SDCCAG8: variants seen among roughly 807,000 people sequenced by gnomAD.
The protein encoded by SDCCAG8 is serologically defined colon cancer antigen 8.
In SDCCAG8, 74 loss-of-function variants were observed where a neutral mutation model predicts 101.8. The ratio of observed to expected loss-of-function variants is 0.73; its 90% CI spans 0.60 to 0.88. The LOEUF (loss-of-function observed/expected upper bound fraction) is 0.88. Among genes scored for constraint, SDCCAG8 ranks in the 40% least tolerant of loss-of-function variants. The pLI is 0.00. For synonymous variants in SDCCAG8, 281 were observed against 292.9 expected, an observed-to-expected ratio of 0.96 and a Z score of 0.41; for missense variants, 787 against 822.6, an observed-to-expected ratio of 0.96 and a Z score of 0.53.
chr1:243,484,990 G>A (rs1244872612), intron 16 of SDCCAG8, among the ~76,000 whole-genome samples: 1 of 151,384 alleles, frequency 6.6e-6, no homozygotes, highest in African/African-American at 2.4e-5. Context: ...GTTGCAGTGA[G>A]CCAAGATTAT....
At chr1:243,342,719 ATT>A (rs1453230398) in intron 11 of SDCCAG8, among the ~76,000 whole-genome samples, 2 of 152,084 alleles carry the variant, frequency 1.3e-5, no homozygotes, top group Non-Finnish European at 2.9e-5. Flanking sequence ...TGAATTTGTA[ATT>A]TTTATTTAGG....
At chr1:243,460,444 A>G (rs1354341713) in intron 16 of SDCCAG8, among the ~76,000 whole-genome samples, 3 of 152,194 alleles carry the variant, frequency 2.0e-5, no homozygotes, top group Non-Finnish European at 4.4e-5. Context: ...AGTCCACCCA[A>G]CTCACAGTGT....
rs1000876026 is a variant in SDCCAG8, at chr1:243,276,449, G to A, written c.420+1793G>A. Among the ~76,000 whole-genome samples, 5 of 152,294 alleles carry A rather than the reference G, an allele frequency of 3.3e-5. No homozygotes were observed. The South Asian group carries it at 1.0e-3, about 32-fold the overall frequency. Reference sequence around the variant, plus strand: ...ATTAAAATAATGTTTAAGTGGTTTAGAAAGATTTTGTTTATTTAGTTAATG... The same window carrying A: ...ATTAAAATAATGTTTAAGTGGTTTAAAAAGATTTTGTTTATTTAGTTAATG... On this transcript the variant is annotated intron_variant, in intron 4 of 17. Transcript: ENST00000366541.
At chr1:243,427,563 C>T (rs1573982048) in intron 16 of SDCCAG8, among the ~76,000 whole-genome samples, 1 of 152,146 alleles carries the variant, frequency 6.6e-6, no homozygotes, top group Non-Finnish European at 1.5e-5. Flanking sequence ...CATCCCCACA[C>T]CATTTCCCAG....
chr1:243,386,830 A>C (rs1168299720), intron 13 of SDCCAG8, among the ~76,000 whole-genome samples: 1 of 152,208 alleles, frequency 6.6e-6, no homozygotes, highest in Non-Finnish European at 1.5e-5. Flanking sequence ...TCCCTTATGC[A>C]TGACACGTGA....
intron 15 of SDCCAG8, among the ~76,000 whole-genome samples, chr1:243,424,220 A>AT (rs1480743157): frequency 1.3e-5 from 2 of 151,958 alleles, no homozygotes; most frequent in South Asian, 2.1e-4. Flanking sequence ...AATAAGCTTT[A>AT]TTTTTTAGAG....
At chr1:243,322,712 A>T (rs1003976975) in intron 9 of SDCCAG8, among the ~76,000 whole-genome samples, 1 of 151,998 alleles carries the variant, frequency 6.6e-6, no homozygotes, top group African/African-American at 2.4e-5. Flanking sequence ...CAGTGCCTTT[A>T]TTCTTATCTT....
intron 16 of SDCCAG8, among the ~76,000 whole-genome samples, chr1:243,446,074 G>A (rs757439200): frequency 2.1e-4 from 32 of 152,140 alleles, no homozygotes; most frequent in South Asian, 6.2e-4. Flanking sequence ...TGAGTGTGCC[G>A]TGGACATCAT....
chr1:243,437,329 T>C (rs2082200117), intron 16 of SDCCAG8, among the ~76,000 whole-genome samples: 1 of 152,164 alleles, frequency 6.6e-6, no homozygotes, highest in South Asian at 2.1e-4. Context: ...AAAAAAGACA[T>C]GATATTTCCC....
intron 8 of SDCCAG8, among the ~76,000 whole-genome samples, chr1:243,313,889 T>C (rs1325737550): frequency 6.6e-6 from 1 of 152,178 alleles, no homozygotes; most frequent in Non-Finnish European, 1.5e-5. Context: ...GTAGCACTGT[T>C]AGTCCCAGGG....
In SDCCAG8 at chr1:243,426,412, T is replaced by TCA; in HGVS notation, c.1854-15_1854-14insCA. 2 of 1,608,782 alleles carry TCA rather than the reference T, an allele frequency of 1.2e-6. No homozygotes were observed. The highest frequency in any genetic ancestry group is 1.7e-6 in the Non-Finnish European group (2 of 1,175,742). On this transcript the variant is annotated splice_polypyrimidine_tract_variant and intron_variant, in intron 15 of 17. Coordinates refer to ENST00000366541, the MANE Select transcript of SDCCAG8 (RefSeq NM_006642.5). ...GAACTTCTAACATCTATTATTTTTGTGTTTTCACCTCTAGATCTGAAATAG... is the reference window on the plus strand; with the variant it reads ...GAACTTCTAACATCTATTATTTTTGTCAGTTTTCACCTCTAGATCTGAAATAG...
rs529538342 is a variant in SDCCAG8 at position 243,408,422 on chromosome 1, G to A, written c.1617-7280G>A. ...TTTGCAAAGGTGAATATATGTCTTC[G>A]AGAAGGACACAACTAATTGATGGTG... On this transcript the variant is annotated intron_variant, in intron 13 of 17. Transcript: ENST00000366541. 3.9e-5 allele frequency among the ~76,000 whole-genome samples: 6 copies of A among 152,236 alleles called. No homozygotes were observed. In the East Asian group the frequency reaches 9.6e-4, roughly 24 times the overall value.
chr1:243,279,518 T>C (rs944415702), intron 4 of SDCCAG8, among the ~76,000 whole-genome samples: 1 of 152,244 alleles, frequency 6.6e-6, no homozygotes, highest in African/African-American at 2.4e-5. Context: ...TGAATTATGG[T>C]TTCTACTGAA....
At chr1:243,481,211 G>A (rs1663688665) in intron 16 of SDCCAG8, among the ~76,000 whole-genome samples, 1 of 152,100 alleles carries the variant, frequency 6.6e-6, no homozygotes, top group Non-Finnish European at 1.5e-5. Flanking sequence ...CCCAGCCCTG[G>A]GTCACACCAG....
At chr1:243,431,192 G>A (rs1333368323) in intron 16 of SDCCAG8, among the ~76,000 whole-genome samples, 2 of 152,166 alleles carry the variant, frequency 1.3e-5, no homozygotes, top group East Asian at 3.9e-4. Flanking sequence ...GCGAGACTTT[G>A]TCTAAAAAAT....
At chr1:243,488,109 C>T (rs1252534026) in intron 16 of SDCCAG8, 1 of 152,252 alleles carries the variant, frequency 6.6e-6, no homozygotes, top group Non-Finnish European at 1.5e-5. Flanking sequence ...AGGAACCTAT[C>T]CCAACCCGAA....
intron 16 of SDCCAG8, among the ~76,000 whole-genome samples, chr1:243,440,662 A>G (rs2082474728): frequency 6.6e-6 from 1 of 152,234 alleles, no homozygotes; most frequent in African/African-American, 2.4e-5. Context: ...ACTCAGTCAA[A>G]CATAATGAAT....
chr1:243,264,514 T>C (rs2067434435), intron 1 of SDCCAG8, among the ~76,000 whole-genome samples: 1 of 152,058 alleles, frequency 6.6e-6, no homozygotes, highest in African/African-American at 2.4e-5. Context: ...CTCAGGAGGC[T>C]GAGGCAGGAG....
intron 16 of SDCCAG8, among the ~76,000 whole-genome samples, chr1:243,442,626 G>A (rs1258248516): frequency 6.7e-6 from 1 of 148,666 alleles, no homozygotes; most frequent in Non-Finnish European, 1.5e-5. Flanking sequence ...AAAAAAAAAA[G>A]TATAGCCACA....
Sources: gnomAD v4.1 joint callset for allele counts (sites outside exome capture counted in the v4.1 genomes callset) on GRCh38, gnomAD v4.1.1 for gene constraint, MANE v1.5 for transcripts, NCBI Gene and HGNC (gene_info 2026-07-23, HGNC 2026-07-21) for gene names.